Variants in DENND1A observed in about 807,000 individuals in gnomAD.
DENND1A encodes the protein DENN domain-containing protein 1A.
Under a neutral mutation model 113.7 loss-of-function variants are expected in DENND1A, and 51 were observed. That is an observed-to-expected ratio of 0.45 (90% CI 0.36 to 0.57). The LOEUF (loss-of-function observed/expected upper bound fraction) is 0.57. Ranked by LOEUF, DENND1A falls within the 20% of genes least tolerant of loss-of-function variation. The pLI is 0.00. For synonymous variants in DENND1A, 565 were observed against 570.8 expected (o/e 0.99, Z 0.14); for missense variants, 1,258 against 1,395.9 (o/e 0.90, Z 1.57).
At chr9:123,407,541 C>T (rs565918172) in intron 20 of DENND1A, among the ~76,000 whole-genome samples, 5 of 152,212 alleles carry the variant, frequency 3.3e-5, no homozygotes, top group South Asian at 2.1e-4. Flanking sequence ...GAATCACAGA[C>T]GATGCAGACA....
chr9:123,457,426 C>T lies in DENND1A; in HGVS notation c.1108G>A (p.Gly370Ser), dbSNP rs754678459. Residue 370 changes from glycine (G) to serine (S), a missense_variant, in exon 15 of 24, where the codon GGT becomes AGT. Physicochemically the swap from Gly to Ser is moderately conservative, Grantham distance 56. Around this residue, in one of 2 missense-constraint regions of DENND1A, gnomAD observed 1,159 missense variants for 1,231.7 expected, o/e 0.94. Transcript: ENST00000394215. The part of the protein sequence containing the change: ...QLQLFKQFID[G>S]RLDLLNSGEG... The stretch of plus-strand genomic sequence containing the variant: ...CCGGAATTGAGAAGATCTAATCGAC[C>T]ATCAATAAACTATAGAAAGAAGGAA... The T allele has an allele frequency of 6.2e-7, 1 of 1,613,324 alleles. No homozygotes were observed. The highest frequency in any genetic ancestry group is 8.5e-7 in the Non-Finnish European group (1 of 1,179,384).
At chr9:123,671,438 G>A in intron 6 of DENND1A, 67 bp from the exon 7 acceptor site, 2 of 1,505,202 alleles carry the variant, frequency 1.3e-6, no homozygotes, top group South Asian at 1.1e-5. Context: ...CCTGCAGGGA[G>A]GTCTGGGCAC....
chr9:123,910,868 G>A (rs1203425234), intron 1 of DENND1A, among the ~76,000 whole-genome samples: 1 of 152,160 alleles, frequency 6.6e-6, no homozygotes, highest in Non-Finnish European at 1.5e-5. Context: ...ACTTGAACCT[G>A]GGAGGCAGAG....
At chr9:123,435,550 AT>A (rs774835382) in intron 19 of DENND1A, among the ~76,000 whole-genome samples, 45 of 152,242 alleles carry the variant, frequency 3.0e-4, no homozygotes, top group Non-Finnish European at 5.4e-4. Context: ...GCACCTTTCA[AT>A]ACATGCTTTT....
At position 123,457,516 on chromosome 9, in the gene DENND1A, T is replaced by C. The variant is rs539236378; in HGVS notation, c.1099-81A>G. On this transcript the variant is annotated intron_variant, in intron 14 of 23. Transcript: ENST00000394215. ...CCATTCAGCTGGGCACCTTACTGTA[T>C]CCAAGGTAGGAGTTTTCAAAAAGTA... 1.0e-5 allele frequency: 12 copies of C among 1,180,030 alleles called. 1 individual carries two copies. The East Asian group carries it at 2.8e-4, about 28-fold the overall frequency. The allele number at this position is 1,180,030 out of a possible 1,614,324, so 73.1% of individuals were successfully genotyped here.
intron 5 of DENND1A, among the ~76,000 whole-genome samples, chr9:123,713,065 G>A (rs544843217): frequency 6.6e-6 from 1 of 152,286 alleles, no homozygotes; most frequent in South Asian, 2.1e-4. Context: ...CCGCCTATAC[G>A]ATGCCAACGA....
At chr9:123,401,440 G>T in intron 21 of DENND1A, 2 of 1,063,360 alleles carry the variant, frequency 1.9e-6, no homozygotes, top group Non-Finnish European at 2.3e-6. Context: ...CCCCTTCCTC[G>T]TTAAACAAAC....
chr9:123,678,249 G>A (rs974823338), intron 5 of DENND1A, among the ~76,000 whole-genome samples: 2 of 152,128 alleles, frequency 1.3e-5, no homozygotes, highest in African/African-American at 4.8e-5. Flanking sequence ...AATGGCACCT[G>A]GCACACCGTC....
chr9:123,457,797 T>C lies in DENND1A; in HGVS notation c.1094A>G (p.Lys365Arg). The C allele has an allele frequency of 6.2e-7, 1 of 1,608,564 alleles. No homozygotes were observed. Among genetic ancestry groups the C allele is most frequent in the Non-Finnish European group, 8.5e-7 (1 of 1,177,546 alleles). The stretch of plus-strand genomic sequence containing the variant: ...CCAGACCAGGGAGGGAGGCACCTGC[T>C]TGAAGAGCTGCAGCTGTGTGGCGTT... ...LQNATQLQLF[K>R]QFIDGRLDLL... The change falls in exon 14 of 24, where the codon AAG becomes AGG. Residue 365 changes from lysine to arginine, a missense_variant. By Grantham distance (26) the Lys-to-Arg change is conservative. Transcript: ENST00000394215.
chr9:123,382,067 G>T lies in DENND1A; in HGVS notation c.2578C>A (p.Pro860Thr). 2 of 1,511,240 alleles carry T rather than the reference G, an allele frequency of 1.3e-6. No homozygotes were observed. Among genetic ancestry groups the T allele is most frequent in the Non-Finnish European group, 1.8e-6 (2 of 1,131,770 alleles). 93.6% of individuals were successfully genotyped at this position (1,511,240 alleles called of 1,614,324 possible). ...LSTAWSGSTL[P>T]SRPATPNVAT... The stretch of plus-strand genomic sequence containing the variant: ...ACATTCGGGGTGGCGGGGCGTGACG[G>T]GAGGGTGCTGCCTGACCAGGCTGTG... Residue 860 changes from proline to threonine, a missense_variant, in exon 24 of 24, where the codon CCG becomes ACG. Transcript: ENST00000394215.
intron 2 of DENND1A, among the ~76,000 whole-genome samples, chr9:123,847,305 T>C (rs553661971): frequency 1.0e-3 from 159 of 152,058 alleles, no homozygotes; most frequent in Middle Eastern, 6.8e-3. Flanking sequence ...ATGTCAGACA[T>C]ATGTGTAATC....
intron 16 of DENND1A, among the ~76,000 whole-genome samples, chr9:123,453,660 G>C (rs986191226): frequency 6.6e-6 from 1 of 152,198 alleles, no homozygotes; most frequent in African/African-American, 2.4e-5. Context: ...GAACCAGTGG[G>C]TACCTAAGAG....
Position 123,430,569 on chromosome 9 carries a change from G to C in DENND1A, c.1488+9791C>G, listed in dbSNP as rs190296189. ...CCATTATCCTCAGCAAACTAGTGCA[G>C]GAATACAAAACCAAACACCGCACAT... On this transcript the variant is annotated intron_variant, in intron 19 of 23. Transcript: ENST00000394215. Among the ~76,000 whole-genome samples the C allele has an allele frequency of 4.5e-3, 680 of 152,270 alleles. 1 individual carries two copies. The highest frequency in any genetic ancestry group is 6.0e-3 in the Non-Finnish European group (411 of 68,026).
chr9:123,526,493 C>T (rs2054857290), intron 13 of DENND1A, among the ~76,000 whole-genome samples: 1 of 152,216 alleles, frequency 6.6e-6, no homozygotes, highest in Non-Finnish European at 1.5e-5. Flanking sequence ...CTCAGCCCTA[C>T]ATGACCATCT....
intron 10 of DENND1A, among the ~76,000 whole-genome samples, chr9:123,623,507 A>C (rs764100305): frequency 3.2e-4 from 48 of 152,206 alleles, no homozygotes; most frequent in Non-Finnish European, 3.1e-4. Context: ...TGAATCCAAA[A>C]CCTAGGCACT....
chr9:123,510,500 C>A (rs1050367191), intron 13 of DENND1A, among the ~76,000 whole-genome samples: 1 of 152,216 alleles, frequency 6.6e-6, no homozygotes, highest in African/African-American at 2.4e-5. Context: ...ATAGCAGCCA[C>A]ATGAGATGGG....
intron 6 of DENND1A, among the ~76,000 whole-genome samples, chr9:123,674,856 T>C (rs2063971488): frequency 6.6e-6 from 1 of 150,788 alleles, no homozygotes; most frequent in African/African-American, 2.4e-5. Flanking sequence ...TTTTTTTTTT[T>C]TGGACTGGAA....
chr9:123,871,923 G>A (rs548690582), intron 2 of DENND1A, among the ~76,000 whole-genome samples: 34 of 152,318 alleles, frequency 2.2e-4, no homozygotes, highest in African/African-American at 7.5e-4. Context: ...GATGCCAGCT[G>A]TAATGAGACA....
At chr9:123,712,821 A>G (rs2066719863) in intron 5 of DENND1A, among the ~76,000 whole-genome samples, 1 of 152,180 alleles carries the variant, frequency 6.6e-6, no homozygotes, top group African/African-American at 2.4e-5. Flanking sequence ...ATCAAGTTCA[A>G]CTCTGTAACT....
Sources: gnomAD v4.1 joint callset for allele counts (sites outside exome capture counted in the v4.1 genomes callset) on GRCh38, gnomAD v4.1.1 for gene constraint, gnomAD v4.1.1 regional missense constraint, MANE v1.5 for transcripts, NCBI Gene and HGNC (gene_info 2026-07-23, HGNC 2026-07-21) for gene names.